Variants in CSMD3 observed in about 807,000 individuals in gnomAD.
CSMD3 encodes CUB and sushi domain-containing protein 3.
In CSMD3, 177 loss-of-function variants were observed where a neutral mutation model predicts 435.2. The observed-to-expected ratio is 0.41, with a 90% CI of 0.36 to 0.46. CSMD3 has a LOEUF of 0.46. Among genes scored for constraint, CSMD3 ranks in the 20% least tolerant of loss-of-function variants. The pLI, the probability that CSMD3 is intolerant of heterozygous loss-of-function variation, is 0.34. For missense variants in CSMD3, 4,265 were observed against 4,504.6 expected (o/e 0.95, Z 1.52); for synonymous variants, 1,656 against 1,520.5 (o/e 1.09, Z -2.07).
intron 24 of CSMD3, among the ~76,000 whole-genome samples, chr8:112,562,146 T>A (rs1347940084): frequency 6.6e-6 from 1 of 151,710 alleles, no homozygotes; most frequent in Admixed American, 6.6e-5. Context: ...ACTTAACTTC[T>A]GTCTTGGCTT....
chr8:113,290,087 T>A (rs2093675605), intron 2 of CSMD3, among the ~76,000 whole-genome samples: 2 of 151,778 alleles, frequency 1.3e-5, no homozygotes, highest in Non-Finnish European at 3.0e-5. Flanking sequence ...TAATAAATAA[T>A]CTTTGTGATA....
intron 4 of CSMD3, among the ~76,000 whole-genome samples, chr8:113,130,093 T>C (rs2091247121): frequency 6.6e-6 from 1 of 152,072 alleles, no homozygotes; most frequent in African/African-American, 2.4e-5. Context: ...TGATAGGCAC[T>C]GTCACACTAA....
At chr8:112,941,300 G>T (rs962293735) in intron 9 of CSMD3, among the ~76,000 whole-genome samples, 1 of 151,792 alleles carries the variant, frequency 6.6e-6, no homozygotes, top group Non-Finnish European at 1.5e-5. Flanking sequence ...GGAAGATTGG[G>T]AATATTTTGA....
At chr8:112,846,010 C>G (rs2080307487) in intron 11 of CSMD3, among the ~76,000 whole-genome samples, 1 of 151,874 alleles carries the variant, frequency 6.6e-6, no homozygotes, top group Non-Finnish European at 1.5e-5. Flanking sequence ...GATAAAGTTT[C>G]AAGGAAAAGG....
chr8:113,267,097 G>A (rs1285413403), intron 3 of CSMD3, among the ~76,000 whole-genome samples: 4 of 151,602 alleles, frequency 2.6e-5, no homozygotes, highest in African/African-American at 2.4e-5. Flanking sequence ...AAGGCAAATA[G>A]TATCAGATGT....
At chr8:112,403,134 A>C (rs1831481756) in intron 35 of CSMD3, among the ~76,000 whole-genome samples, 1 of 152,214 alleles carries the variant, frequency 6.6e-6, no homozygotes, top group East Asian at 1.9e-4. Flanking sequence ...TAGAGTCAGC[A>C]ATTCTGCACA....
At chr8:113,254,670 AAAG>A (rs1463288543) in intron 3 of CSMD3, among the ~76,000 whole-genome samples, 2 of 152,190 alleles carry the variant, frequency 1.3e-5, no homozygotes, top group Non-Finnish European at 2.9e-5. Flanking sequence ...ATCATCTGTC[AAAG>A]AAGGAGAGAC....
At chr8:112,887,671 T>G (rs559297852) in intron 10 of CSMD3, among the ~76,000 whole-genome samples, 1 of 151,636 alleles carries the variant, frequency 6.6e-6, no homozygotes, top group East Asian at 2.0e-4. Context: ...TGCATACCAC[T>G]TTAAAGATCA....
chr8:112,702,911 T>C (rs908831773), intron 13 of CSMD3, among the ~76,000 whole-genome samples: 3 of 152,096 alleles, frequency 2.0e-5, no homozygotes, highest in Non-Finnish European at 4.4e-5. Context: ...GCTAGAGATA[T>C]GGTACAATCC....
At chr8:112,751,354 G>T (rs2077565629) in intron 13 of CSMD3, among the ~76,000 whole-genome samples, 1 of 151,966 alleles carries the variant, frequency 6.6e-6, no homozygotes, top group South Asian at 2.1e-4. Context: ...TTAAATGGTG[G>T]AGAAAGAGGA....
intron 38 of CSMD3, among the ~76,000 whole-genome samples, chr8:112,361,411 A>G (rs1012246323): frequency 6.6e-6 from 1 of 151,440 alleles, no homozygotes; most frequent in Non-Finnish European, 1.5e-5. Context: ...ACTGCTTCAC[A>G]TTACTAATAT....
intron 1 of CSMD3, among the ~76,000 whole-genome samples, chr8:113,415,297 A>C (rs1250774964): frequency 6.6e-6 from 1 of 152,178 alleles, no homozygotes; most frequent in East Asian, 1.9e-4. Context: ...CAAAGACAAA[A>C]GTCTGGTCCT....
intron 3 of CSMD3, among the ~76,000 whole-genome samples, chr8:113,273,963 T>G (rs1563637788): frequency 6.6e-6 from 1 of 152,048 alleles, no homozygotes; most frequent in Non-Finnish European, 1.5e-5. Flanking sequence ...AATATAAGAA[T>G]AAGTGAAAGT....
At chr8:112,458,021 T>C (rs1256377468) in intron 32 of CSMD3, among the ~76,000 whole-genome samples, 2 of 152,118 alleles carry the variant, frequency 1.3e-5, no homozygotes, top group Non-Finnish European at 2.9e-5. Context: ...AATTCAATTG[T>C]TTGCATTTTC....
In CSMD3 at chr8:113,219,471, G is replaced by GT. The variant is rs1203145359; in HGVS notation, c.515-45556dup. Reference sequence around the variant, plus strand: ...AAACACTGAGAAATCTCATACCAAAGTAACAAAAAAATGTTCAGAAATATA... The same window carrying GT: ...AAACACTGAGAAATCTCATACCAAAGTTAACAAAAAAATGTTCAGAAATATA... On this transcript the variant is annotated intron_variant, in intron 3 of 70. Transcript: ENST00000297405. Among the ~76,000 whole-genome samples, 11 of 151,180 alleles carry GT rather than the reference G, an allele frequency of 7.3e-5. No homozygotes were observed. In the South Asian group the frequency reaches 2.3e-3, roughly 31 times the overall value.
intron 10 of CSMD3, among the ~76,000 whole-genome samples, chr8:112,878,611 G>C (rs2081358570): frequency 6.6e-6 from 1 of 152,092 alleles, no homozygotes; most frequent in African/African-American, 2.4e-5. Flanking sequence ...AAAGACATGT[G>C]CACATGTATG....
chr8:113,426,390 T>C (rs932955823), intron 1 of CSMD3, among the ~76,000 whole-genome samples: 1 of 151,326 alleles, frequency 6.6e-6, no homozygotes, highest in African/African-American at 2.4e-5. Context: ...GTGTATCCAT[T>C]ATGTGGTACA....
chr8:112,777,172 T>A (rs2078267445), intron 13 of CSMD3, among the ~76,000 whole-genome samples: 1 of 151,898 alleles, frequency 6.6e-6, no homozygotes, highest in Admixed American at 6.6e-5. Flanking sequence ...GTGTTATTGA[T>A]AAAATTCAGC....
At position 112,224,887 on chromosome 8, in the gene CSMD3, T is replaced by C. The variant is rs768333655; in HGVS notation, c.11008A>G (p.Asn3670Asp). The C allele has an allele frequency of 6.2e-7, 1 of 1,614,078 alleles. No individual in the cohort carries two copies. The highest frequency in any genetic ancestry group is 8.5e-7 in the Non-Finnish European group (1 of 1,179,942). Residue 3670 changes from asparagine to aspartate, a missense_variant, in exon 71 of 71, where the codon AAT becomes GAT. Coordinates refer to ENST00000297405, the MANE Select transcript of CSMD3 (RefSeq NM_198123.2). ...TQYTGCSVHE[N>D]NNGQAAFENP... Reference sequence around the variant, plus strand: ...TCAAAAGCTGCTTGGCCATTGTTATTTTCATGAACTGAACATCCTGTATAC... The same window carrying C: ...TCAAAAGCTGCTTGGCCATTGTTATCTTCATGAACTGAACATCCTGTATAC...
Sources: allele counts gnomAD v4.1 joint callset (sites outside exome capture counted in the v4.1 genomes callset), GRCh38; gene constraint gnomAD v4.1.1; transcripts MANE v1.5; gene names NCBI Gene and HGNC (gene_info 2026-07-23, HGNC 2026-07-21).